Variants in GALNT11 observed in about 807,000 individuals in gnomAD.
GALNT11 encodes the protein UDP-GalNAc:polypeptide N-acetylgalactosaminyltransferase 11.
In GALNT11, 47 loss-of-function variants were observed where a neutral mutation model predicts 72.7. That is an observed-to-expected ratio of 0.65 (90% CI 0.51 to 0.82). The LOEUF is 0.82. Among genes scored for constraint, GALNT11 ranks in the 40% least tolerant of loss-of-function variants. The probability of loss-of-function intolerance (pLI) is 0.00; values close to 1 mark genes in which losing one functional copy is unlikely to be tolerated. For missense variants in GALNT11, 677 were observed against 778.4 expected (o/e 0.87, Z 1.55); for synonymous variants, 270 against 286.6 (o/e 0.94, Z 0.58).
At chr7:152,080,422 A>G (rs1305613266) in intron 1 of GALNT11, among the ~76,000 whole-genome samples, 1 of 152,216 alleles carries the variant, frequency 6.6e-6, no homozygotes, top group Non-Finnish European at 1.5e-5. Context: ...TTCCTTGTAG[A>G]AAATGTTTTA....
chr7:152,064,973 G>C (rs2084223593), intron 1 of GALNT11, among the ~76,000 whole-genome samples: 3 of 152,124 alleles, frequency 2.0e-5, no homozygotes, highest in Non-Finnish European at 2.9e-5. Context: ...GGCGTTCTCT[G>C]TATTTCCTGA....
chr7:152,094,584 A>G lies in GALNT11; in HGVS notation c.295+62A>G. ...TATTTAATCACTGGAAGTTTGATTAATTAGTTAATTAGGAGATCAGAAATG... is the reference window on the plus strand; with the variant it reads ...TATTTAATCACTGGAAGTTTGATTAGTTAGTTAATTAGGAGATCAGAAATG... On this transcript the variant is annotated intron_variant, in intron 2 of 11. Coordinates refer to ENST00000430044, the MANE Select transcript of GALNT11 (RefSeq NM_022087.4). This position sits in a 1 kb window ranked among gnomAD's most constrained non-coding sequence, Gnocchi z 4.3. 1 of 1,481,588 alleles carries G rather than the reference A, an allele frequency of 6.7e-7. No homozygotes were observed. The highest frequency in any genetic ancestry group is 2.3e-5 in the East Asian group (1 of 43,540). 91.8% of individuals were successfully genotyped at this position (1,481,588 alleles called of 1,614,324 possible). A position where few individuals can be genotyped will look rare whatever the true frequency, so the allele number is the denominator to read the frequency against.
At chr7:152,096,574 G>A (rs1043943152) in intron 2 of GALNT11, among the ~76,000 whole-genome samples, 1 of 151,990 alleles carries the variant, frequency 6.6e-6, no homozygotes, top group East Asian at 1.9e-4. Flanking sequence ...AATTAGGTGG[G>A]CGTGGTGGCA....
intron 1 of GALNT11, among the ~76,000 whole-genome samples, chr7:152,078,872 C>A (rs941561617): frequency 2.6e-5 from 4 of 152,158 alleles, no homozygotes; most frequent in African/African-American, 9.7e-5. Context: ...AAAAGGCAAG[C>A]TTTCCAGACC....
intron 1 of GALNT11, among the ~76,000 whole-genome samples, chr7:152,072,274 G>C (rs2129011363): frequency 6.8e-6 from 1 of 147,796 alleles, no homozygotes; most frequent in Admixed American, 6.8e-5. Flanking sequence ...AGCCAAGATT[G>C]TGCCACTTCC....
chr7:152,080,462 A>G lies in GALNT11; in HGVS notation c.-38-13728A>G, dbSNP rs371378204. On this transcript the variant is annotated intron_variant, in intron 1 of 11. Coordinates refer to ENST00000430044, the MANE Select transcript of GALNT11 (RefSeq NM_022087.4). ...AAAGAAAGAACAAAGAAAATTAGCC[A>G]TGATGCCACTAACCTGAGTCTATTA... 4.6e-5 allele frequency among the ~76,000 whole-genome samples: 7 copies of G among 152,250 alleles called. No individual in the cohort carries two copies. In the East Asian group the frequency reaches 5.8e-4, roughly 13 times the overall value.
intron 1 of GALNT11, among the ~76,000 whole-genome samples, chr7:152,051,966 A>G (rs768196132): frequency 5.3e-5 from 8 of 152,222 alleles, no homozygotes; most frequent in Admixed American, 3.3e-4. Context: ...GTCCATTCAC[A>G]GTATTTTGTC....
chr7:152,030,901 C>T (rs1383500935), intron 1 of GALNT11, among the ~76,000 whole-genome samples: 2 of 152,208 alleles, frequency 1.3e-5, no homozygotes, highest in African/African-American at 4.8e-5. Context: ...CTCTCCTTCC[C>T]GTTTTGATGG....
chr7:152,042,696 G>T (rs1159861777), intron 1 of GALNT11, among the ~76,000 whole-genome samples: 2 of 152,102 alleles, frequency 1.3e-5, no homozygotes, highest in Non-Finnish European at 2.9e-5. Context: ...TGACTTTGAG[G>T]GCTATATAAT....
At chr7:152,097,247 G>T (rs764405528) in intron 2 of GALNT11, among the ~76,000 whole-genome samples, 4 of 152,178 alleles carry the variant, frequency 2.6e-5, no homozygotes, top group African/African-American at 9.7e-5. Flanking sequence ...CAGATGAAAA[G>T]ATGCTTAATA....
rs184737024 is a variant in GALNT11 at position 152,049,571 on chromosome 7, C to T, written c.-39+23687C>T. 2.9e-3 allele frequency among the ~76,000 whole-genome samples: 442 copies of T among 152,298 alleles called. 3 individuals are homozygous for T. The highest frequency in any genetic ancestry group is 0.01 in the African/African-American group (420 of 41,558). On this transcript the variant is annotated intron_variant, in intron 1 of 11. Transcript: ENST00000430044. Reference sequence around the variant, plus strand: ...CACCACCACTGAGATTACACTGGGGCAGACCTGAAGCCAGCACAACACCAG... The same window carrying T: ...CACCACCACTGAGATTACACTGGGGTAGACCTGAAGCCAGCACAACACCAG...
intron 1 of GALNT11, among the ~76,000 whole-genome samples, chr7:152,049,368 A>C (rs574516321): frequency 1.4e-4 from 21 of 152,362 alleles, no homozygotes; most frequent in Middle Eastern, 6.8e-3. Flanking sequence ...CCAGTAACAC[A>C]GTGGCTCTTT....
At chr7:152,078,678 T>A (rs1050411580) in intron 1 of GALNT11, among the ~76,000 whole-genome samples, 4 of 152,210 alleles carry the variant, frequency 2.6e-5, no homozygotes, top group African/African-American at 9.6e-5. Context: ...TCCTTTCTAA[T>A]TTTAGCAGTG....
chr7:152,038,193 A>G (rs527690096), intron 1 of GALNT11, among the ~76,000 whole-genome samples: 1 of 152,288 alleles, frequency 6.6e-6, no homozygotes, highest in East Asian at 1.9e-4. Context: ...AGACACACAC[A>G]CAGAAATATA....
rs147798902 is a variant in GALNT11 at position 152,082,600 on chromosome 7, G to A, written c.-38-11590G>A. ...AGGGCAGATATTTAGGCTAAAGTGT[G>A]GGAGCTAAGAACATAAAGTACATTG... On this transcript the variant is annotated intron_variant, in intron 1 of 11. Transcript: ENST00000430044. 9.6e-3 allele frequency among the ~76,000 whole-genome samples: 1,462 copies of A among 152,344 alleles called. 27 individuals are homozygous for A. Among genetic ancestry groups the A allele is most frequent in the African/African-American group, 0.033 (1,381 of 41,582 alleles).
chr7:152,074,646 G>GT (rs1024389614), intron 1 of GALNT11, among the ~76,000 whole-genome samples: 11 of 152,168 alleles, frequency 7.2e-5, no homozygotes, highest in African/African-American at 2.7e-4. Context: ...CCCTGTGGGT[G>GT]TGGTGGTGAA....
chr7:152,044,242 C>CG (rs2083010063), intron 1 of GALNT11, among the ~76,000 whole-genome samples: 1 of 152,136 alleles, frequency 6.6e-6, no homozygotes, highest in African/African-American at 2.4e-5. Flanking sequence ...GTATTCCTTA[C>CG]GGGAAATAAA....
intron 2 of GALNT11, among the ~76,000 whole-genome samples, chr7:152,096,741 A>G (rs2086411742): frequency 6.6e-6 from 1 of 152,036 alleles, no homozygotes; most frequent in African/African-American, 2.4e-5. Context: ...AAGTGAAAAA[A>G]GACAACCCAC....
At chr7:152,071,714 A>G (rs937770447) in intron 1 of GALNT11, among the ~76,000 whole-genome samples, 15 of 152,352 alleles carry the variant, frequency 9.8e-5, no homozygotes, top group Middle Eastern at 3.4e-3. Context: ...CAGTAAAGAC[A>G]GGCATAAGAA....
Sources: gnomAD v4.1 joint callset for allele counts (sites outside exome capture counted in the v4.1 genomes callset) on GRCh38, gnomAD v4.1.1 for gene constraint, Gnocchi (gnomAD v3.1) non-coding constraint, MANE v1.5 for transcripts, NCBI Gene and HGNC (gene_info 2026-07-23, HGNC 2026-07-21) for gene names.